Variants in MRPS28 observed in about 807,000 individuals in gnomAD.
MRPS28 encodes small ribosomal subunit protein bS1m.
Under a neutral mutation model 10.8 loss-of-function variants are expected in MRPS28, and 7 were observed. That is an observed-to-expected ratio of 0.65 (90% CI 0.37 to 1.22). The LOEUF is 1.22. MRPS28 is among the 50% of genes most tolerant of loss of function. The probability of loss-of-function intolerance (pLI) is 0.02; values close to 1 mark genes in which losing one functional copy is unlikely to be tolerated. For synonymous variants in MRPS28, 121 were observed against 93.3 expected, an observed-to-expected ratio of 1.30 and a Z score of -1.71; for missense variants, 265 against 232.9, an observed-to-expected ratio of 1.14 and a Z score of -0.90.
chr8:79,922,876 A>T (rs1350833261), intron 2 of MRPS28, among the ~76,000 whole-genome samples: 1 of 152,004 alleles, frequency 6.6e-6, no homozygotes, highest in Non-Finnish European at 1.5e-5. Flanking sequence ...CTTTATATAA[A>T]CAGAAAATGA....
intron 1 of MRPS28, among the ~76,000 whole-genome samples, chr8:80,010,685 C>A (rs1809016223): frequency 6.6e-6 from 1 of 152,222 alleles, no homozygotes; most frequent in Non-Finnish European, 1.5e-5. Flanking sequence ...CGGCAAAACA[C>A]ATCCAGGTGT....
intron 2 of MRPS28, among the ~76,000 whole-genome samples, chr8:79,951,736 G>A (rs937398710): frequency 1.3e-5 from 2 of 152,222 alleles, no homozygotes; most frequent in African/African-American, 4.8e-5. Flanking sequence ...ACACACGAAA[G>A]AGATGCCCCC....
At chr8:79,981,054 C>A (rs960213241) in intron 2 of MRPS28, among the ~76,000 whole-genome samples, 1 of 152,102 alleles carries the variant, frequency 6.6e-6, no homozygotes, top group Non-Finnish European at 1.5e-5. Flanking sequence ...CTGGGTCGGG[C>A]GCAGTGGCTC....
At chr8:80,025,984 A>G (rs1809485267) in intron 1 of MRPS28, among the ~76,000 whole-genome samples, 1 of 152,250 alleles carries the variant, frequency 6.6e-6, no homozygotes, top group Non-Finnish European at 1.5e-5. Context: ...AGCTATGCAT[A>G]AAAAACACAC....
chr8:79,926,137 AG>A (rs1419183814), intron 2 of MRPS28, among the ~76,000 whole-genome samples: 1 of 152,066 alleles, frequency 6.6e-6, no homozygotes, highest in Non-Finnish European at 1.5e-5. Flanking sequence ...ACATATGGAA[AG>A]GGGAAAAAAA....
At chr8:80,008,033 C>A (rs1486895644) in intron 1 of MRPS28, among the ~76,000 whole-genome samples, 1 of 152,156 alleles carries the variant, frequency 6.6e-6, no homozygotes, top group Non-Finnish European at 1.5e-5. Context: ...CGCTACAAGG[C>A]TACAGTAACC....
intron 2 of MRPS28, among the ~76,000 whole-genome samples, chr8:79,924,796 C>T (rs749239078): frequency 6.6e-6 from 1 of 152,100 alleles, no homozygotes; most frequent in Admixed American, 6.6e-5. Context: ...CATGTTCCCT[C>T]GACCTGTCTA....
chr8:79,984,459 A>G (rs200040005), intron 2 of MRPS28, among the ~76,000 whole-genome samples: 2 of 152,364 alleles, frequency 1.3e-5, no homozygotes, highest in East Asian at 1.9e-4. Flanking sequence ...TAAATGCTCC[A>G]ATTAAAAGAC....
At chr8:80,021,339 C>G (rs970682385) in intron 1 of MRPS28, among the ~76,000 whole-genome samples, 5 of 152,012 alleles carry the variant, frequency 3.3e-5, no homozygotes, top group Non-Finnish European at 7.4e-5. Flanking sequence ...AACATCTGCT[C>G]AAAAATTTAT....
chr8:79,972,756 G>GA, intron 2 of MRPS28, among the ~76,000 whole-genome samples: 1 of 152,252 alleles, frequency 6.6e-6, no homozygotes, highest in Non-Finnish European at 1.5e-5. Flanking sequence ...TTCAGAGTTC[G>GA]AAACAGAGAA....
chr8:79,946,746 C>A (rs1268776581), intron 2 of MRPS28, among the ~76,000 whole-genome samples: 1 of 152,096 alleles, frequency 6.6e-6, no homozygotes, highest in Admixed American at 6.5e-5. Flanking sequence ...GAAAAAAACG[C>A]TTCTCAGCAA....
At chr8:80,019,396 T>C (rs563843667) in intron 1 of MRPS28, among the ~76,000 whole-genome samples, 2 of 149,096 alleles carry the variant, frequency 1.3e-5, no homozygotes, top group Non-Finnish European at 3.0e-5. Flanking sequence ...AGAAGAAAAA[T>C]CACATGGTCG....
At chr8:80,022,584 T>C (rs151109513) in intron 1 of MRPS28, among the ~76,000 whole-genome samples, 2 of 152,366 alleles carry the variant, frequency 1.3e-5, no homozygotes, top group African/African-American at 4.8e-5. Flanking sequence ...TTGTCAACAA[T>C]GGAATCTCCA....
chr8:79,923,019 C>G (rs1195208844), intron 2 of MRPS28, among the ~76,000 whole-genome samples: 1 of 151,642 alleles, frequency 6.6e-6, no homozygotes, highest in Middle Eastern at 3.2e-3. Flanking sequence ...GGCTATTCAG[C>G]TTTTTTTTGA....
In MRPS28 at chr8:79,983,487, G is replaced by A. The variant is rs181870396; in HGVS notation, c.395+19512C>T. Among the ~76,000 whole-genome samples the A allele has an allele frequency of 1.6e-4, 25 of 152,226 alleles. No individual in the cohort carries two copies. In the East Asian group the frequency reaches 4.8e-3, roughly 29 times the overall value. ...GATCAAACTACTCCGAGCTACAGGA[G>A]GAAACCCAAACCAAAGGCAAAGAAG... is the stretch of plus-strand genomic sequence containing the variant. On this transcript the variant is annotated intron_variant, in intron 2 of 2. Coordinates refer to ENST00000276585, the MANE Select transcript of MRPS28 (RefSeq NM_014018.3).
At chr8:80,027,092 G>T (rs1337335919) in intron 1 of MRPS28, among the ~76,000 whole-genome samples, 1 of 152,056 alleles carries the variant, frequency 6.6e-6, no homozygotes, top group South Asian at 2.1e-4. Flanking sequence ...ATAAATTAAA[G>T]TTCATTATTA....
rs140673047 is a variant in MRPS28 at position 79,991,410 on chromosome 8, G to A, written c.395+11589C>T. On this transcript the variant is annotated intron_variant, in intron 2 of 2. Transcript: ENST00000276585. The stretch of plus-strand genomic sequence containing the variant: ...CAAAGCTAGCACTAGGCCTAGCAAA[G>A]AGCAGCCACTTGATAAATGTTTACT... Among the ~76,000 whole-genome samples, 961 of 152,252 alleles carry A rather than the reference G, an allele frequency of 6.3e-3. 9 individuals are homozygous for A. Among genetic ancestry groups the A allele is most frequent in the African/African-American group, 0.022 (898 of 41,542 alleles).
chr8:79,943,215 C>T (rs1806815309), intron 2 of MRPS28, among the ~76,000 whole-genome samples: 1 of 152,160 alleles, frequency 6.6e-6, no homozygotes. Flanking sequence ...GTGCTAAAAG[C>T]CTAGAAAAAT....
chr8:79,982,978 ACG>A (rs1808015223), intron 2 of MRPS28, among the ~76,000 whole-genome samples: 2 of 14,414 alleles, frequency 1.4e-4, no homozygotes, highest in Non-Finnish European at 2.1e-4. Context: ...TGGGTCCCTG[ACG>A]CCTGACCCCC....
Sources: allele counts gnomAD v4.1 joint callset (sites outside exome capture counted in the v4.1 genomes callset), GRCh38; gene constraint gnomAD v4.1.1; transcripts MANE v1.5; gene names NCBI Gene and HGNC (gene_info 2026-07-23, HGNC 2026-07-21).